The following RNF34 variants were observed in gnomAD, a reference collection of about 807,000 sequenced individuals.
The protein encoded by RNF34 is E3 ubiquitin-protein ligase RNF34.
RNF34 carries 12 observed loss-of-function variants against 37.9 expected under a neutral mutation model. The observed-to-expected ratio is 0.32, with a 90% CI of 0.20 to 0.51. The LOEUF is 0.51. RNF34 is among the 20% of genes least tolerant of loss of function. The pLI, the probability that RNF34 is intolerant of heterozygous loss-of-function variation, is 0.97. For missense variants in RNF34, 362 were observed against 472.7 expected (o/e 0.77, Z 2.17); for synonymous variants, 155 against 177.2 (o/e 0.87, Z 1.00).
At position 121,422,024 on chromosome 12, in the gene RNF34, G is replaced by A. The variant is rs7961800; in HGVS notation, c.928+1246G>A. On this transcript the variant is annotated intron_variant, in intron 5 of 5. Transcript: ENST00000361234. ...TTCATCCTCAGAGCTTTCAGAGGTC[G>A]TAGGCTGCTGGCTGGGAAATGGTTT... Among the ~76,000 whole-genome samples the A allele has an allele frequency of 3.2e-3, 494 of 152,322 alleles. 4 individuals are homozygous for A. Among genetic ancestry groups the A allele is most frequent in the African/African-American group, 0.011 (445 of 41,574 alleles).
chr12:121,409,031 G>A (rs1870801184), intron 1 of RNF34, among the ~76,000 whole-genome samples: 1 of 151,950 alleles, frequency 6.6e-6, no homozygotes, highest in African/African-American at 2.4e-5. Context: ...GAGTGCAGTG[G>A]TACAGTGGCG....
At chr12:121,420,383 G>A (rs1555283102) in intron 4 of RNF34, 49 bp downstream of exon 4, 12 of 1,554,250 alleles carry the variant, frequency 7.7e-6, no homozygotes, top group Admixed American at 3.9e-5. Flanking sequence ...AGCCTGACAG[G>A]AAGGGACAGT....
chr12:121,402,558 A>T (rs975287151), intron 1 of RNF34, among the ~76,000 whole-genome samples: 2 of 94,158 alleles, frequency 2.1e-5, no homozygotes, highest in African/African-American at 1.1e-4. Context: ...ATAAGGGATT[A>T]AAAAAAAAAA....
intron 1 of RNF34, among the ~76,000 whole-genome samples, chr12:121,411,438 A>G (rs920848911): frequency 1.5e-4 from 23 of 151,770 alleles, no homozygotes; most frequent in Middle Eastern, 3.4e-3. Flanking sequence ...TGTGTAGTTG[A>G]AAAAAAAATT....
At chr12:121,410,111 G>A (rs569650243) in intron 1 of RNF34, among the ~76,000 whole-genome samples, 1 of 151,988 alleles carries the variant, frequency 6.6e-6, no homozygotes, top group Non-Finnish European at 1.5e-5. Flanking sequence ...CCAAGATCGT[G>A]CCATCGCACT....
At chr12:121,406,278 G>A (rs1288494048) in intron 1 of RNF34, among the ~76,000 whole-genome samples, 5 of 147,532 alleles carry the variant, frequency 3.4e-5, no homozygotes, top group Non-Finnish European at 7.4e-5. Context: ...ATTATGGAAT[G>A]TGTAAGTTGT....
At chr12:121,419,288 T>C (rs1343550128) in intron 3 of RNF34, among the ~76,000 whole-genome samples, 1 of 152,228 alleles carries the variant, frequency 6.6e-6, no homozygotes, top group East Asian at 1.9e-4. Context: ...AGCCTAGGTG[T>C]GTAGCAGGCT....
intron 1 of RNF34, among the ~76,000 whole-genome samples, chr12:121,413,298 A>G (rs1334587787): frequency 6.6e-6 from 1 of 152,190 alleles, no homozygotes; most frequent in Non-Finnish European, 1.5e-5. Context: ...AAGTGCTGGG[A>G]TTACAGGCAT....
intron 5 of RNF34, among the ~76,000 whole-genome samples, chr12:121,421,012 A>G (rs1555283268): frequency 6.6e-6 from 1 of 152,166 alleles, no homozygotes; most frequent in African/African-American, 2.4e-5. Context: ...AAATTATTCA[A>G]TTTGGTTTTT....
chr12:121,402,107 C>T (rs1473770173), intron 1 of RNF34, among the ~76,000 whole-genome samples: 7 of 152,112 alleles, frequency 4.6e-5, no homozygotes, highest in African/African-American at 1.7e-4. Flanking sequence ...TAAGGAAATA[C>T]TTCTTTCTGT....
At chr12:121,406,906 C>CT (rs1870595828) in intron 1 of RNF34, among the ~76,000 whole-genome samples, 1 of 152,094 alleles carries the variant, frequency 6.6e-6, no homozygotes, top group Non-Finnish European at 1.5e-5. Context: ...GATTATCGTT[C>CT]TTTTTTAAAA....
chr12:121,418,260 TCA>T (rs1871763999), intron 3 of RNF34: 1 of 201,228 alleles, frequency 5.0e-6, no homozygotes, highest in Non-Finnish European at 1.0e-5. Context: ...TGCACGTGTT[TCA>T]GTGACCACAG....
intron 5 of RNF34, among the ~76,000 whole-genome samples, chr12:121,421,851 C>A (rs1872199212): frequency 1.3e-5 from 2 of 152,172 alleles, no homozygotes; most frequent in Admixed American, 1.3e-4. Context: ...GCCCTCCCAT[C>A]ATTAACTTTT....
chr12:121,413,216 G>A (rs759496408), intron 1 of RNF34, among the ~76,000 whole-genome samples: 2 of 151,506 alleles, frequency 1.3e-5, no homozygotes, highest in Non-Finnish European at 2.9e-5. Flanking sequence ...TAGTAGAGAC[G>A]GCGTTTCGCC....
intron 1 of RNF34, among the ~76,000 whole-genome samples, chr12:121,415,546 G>A (rs1871483911): frequency 1.3e-5 from 2 of 152,112 alleles, no homozygotes; most frequent in Admixed American, 6.6e-5. Context: ...AACCCAGGAG[G>A]TGGAGGTTGC....
In RNF34 at chr12:121,416,347, T is replaced by C; in HGVS notation, c.195T>C (p.Cys65=). The change falls in exon 2 of 6, where the codon TGT becomes TGC. Residue 65 remains cysteine (C), a synonymous_variant. Coordinates refer to ENST00000361234, the MANE Select transcript of RNF34 (RefSeq NM_025126.4). ...TEGPNIVCKA[C]GLSFSVFRKK... The stretch of plus-strand genomic sequence containing the variant: ...GGCCCAACATAGTTTGTAAAGCCTG[T>C]GGGCTTTCATTTTCAGTCTTTAGAA... 1 of 1,613,660 alleles carries C rather than the reference T, an allele frequency of 6.2e-7. No homozygotes were observed. The highest frequency in any genetic ancestry group is 8.5e-7 in the Non-Finnish European group (1 of 1,179,544).
rs1201893621 is a variant in RNF34, at chr12:121,417,125, T to C, written c.226-379T>C. Among the ~76,000 whole-genome samples the C allele has an allele frequency of 2.6e-5, 4 of 152,240 alleles. No individual in the cohort carries two copies. The highest frequency in any genetic ancestry group is 9.6e-5 in the African/African-American group (4 of 41,460). On this transcript the variant is annotated intron_variant, in intron 2 of 5. Transcript: ENST00000361234. The surrounding 1 kb of genome is among the most constrained non-coding windows in gnomAD (Gnocchi z 5.0). Reference sequence around the variant, plus strand: ...CTGTCAGTCTGTTATGCTTTTTGTCTCCTGCTCTTTAAATGGAGGAAATTG... The same window carrying C: ...CTGTCAGTCTGTTATGCTTTTTGTCCCCTGCTCTTTAAATGGAGGAAATTG...
chr12:121,410,705 G>C (rs1870979891), intron 1 of RNF34, among the ~76,000 whole-genome samples: 1 of 152,092 alleles, frequency 6.6e-6, no homozygotes, highest in Admixed American at 6.6e-5. Context: ...CCTTCAATAT[G>C]ATGCTAAGGT....
Position 121,416,245 on chromosome 12 carries a change from A to G in RNF34, c.93A>G (p.Ala31=). 6.2e-7 allele frequency: 1 copy of G among 1,614,100 alleles called. No homozygotes were observed. The highest frequency in any genetic ancestry group is 8.5e-7 in the Non-Finnish European group (1 of 1,180,014). Residue 31 remains alanine, a synonymous_variant, in exon 2 of 6, where the codon GCA becomes GCG. Coordinates refer to ENST00000361234, the MANE Select transcript of RNF34 (RefSeq NM_025126.4). ...GAGCTGTCAGGGGCCAGCAGTCAGCATTTGCAGGAGCCACCGGTCCATTCA... is the reference window on the plus strand; with the variant it reads ...GAGCTGTCAGGGGCCAGCAGTCAGCGTTTGCAGGAGCCACCGGTCCATTCA... ...GTGAVRGQQS[A]FAGATGPFRF...
Sources: gnomAD v4.1 joint callset for allele counts (sites outside exome capture counted in the v4.1 genomes callset) on GRCh38, gnomAD v4.1.1 for gene constraint, Gnocchi (gnomAD v3.1) non-coding constraint, MANE v1.5 for transcripts, NCBI Gene and HGNC (gene_info 2026-07-23, HGNC 2026-07-21) for gene names.